Variants in KATNAL2 observed in about 807,000 individuals in gnomAD.
KATNAL2 encodes the protein katanin catalytic subunit A1 like 2.
A neutral mutation model predicts 76.3 loss-of-function variants in KATNAL2; 52 were observed. The observed-to-expected ratio is 0.68, with a 90% CI of 0.55 to 0.86. The LOEUF (loss-of-function observed/expected upper bound fraction) is 0.86. Among genes scored for constraint, KATNAL2 ranks in the 40% least tolerant of loss-of-function variants. The probability of loss-of-function intolerance (pLI) is 0.00; values close to 1 mark genes in which losing one functional copy is unlikely to be tolerated. For missense variants in KATNAL2, 660 were observed against 668.9 expected (o/e 0.99, Z 0.15); for synonymous variants, 243 against 244.2 (o/e 1.00, Z 0.05).
chr18:47,090,848 G>A (rs1307907672), intron 15 of KATNAL2, among the ~76,000 whole-genome samples: 4 of 152,168 alleles, frequency 2.6e-5, no homozygotes, highest in African/African-American at 7.2e-5. Flanking sequence ...GACAGCTGAT[G>A]CTGGGCTCAC....
chr18:47,064,232 A>G (rs2061721501), intron 10 of KATNAL2, among the ~76,000 whole-genome samples: 1 of 151,968 alleles, frequency 6.6e-6, no homozygotes, highest in Non-Finnish European at 1.5e-5. Flanking sequence ...AGTGCACTTT[A>G]AGAGCATGAA....
intron 4 of KATNAL2, among the ~76,000 whole-genome samples, chr18:47,049,034 A>C (rs1309601744): frequency 6.6e-6 from 1 of 151,790 alleles, no homozygotes; most frequent in African/African-American, 2.4e-5. Flanking sequence ...ACGGGGTTTC[A>C]CCGTGGTCTC....
intron 16 of KATNAL2, 84 bp downstream of exon 16, chr18:47,099,489 T>A: frequency 7.5e-7 from 1 of 1,337,318 alleles, no homozygotes; most frequent in Non-Finnish European, 1.0e-6. Flanking sequence ...CATGAGCTGA[T>A]AGAAGCTTGA....
chr18:47,033,839 G>A (rs1471012794), intron 3 of KATNAL2: 6 of 1,614,036 alleles, frequency 3.7e-6, no homozygotes, highest in Middle Eastern at 1.7e-4. Context: ...TCCGAAAGCG[G>A]ATCGTAGTTG....
chr18:47,084,658 G>A (rs2062686718), intron 15 of KATNAL2, among the ~76,000 whole-genome samples: 1 of 148,180 alleles, frequency 6.7e-6, no homozygotes, highest in Non-Finnish European at 1.5e-5. Flanking sequence ...AGACCTGCCT[G>A]GCCCACATGA....
chr18:47,071,240 T>C (rs983832860), intron 13 of KATNAL2, among the ~76,000 whole-genome samples: 1 of 152,188 alleles, frequency 6.6e-6, no homozygotes, highest in African/African-American at 2.4e-5. Flanking sequence ...GCTCAAGCAA[T>C]CCTCCCGCCT....
chr18:46,959,341 C>G (rs1405360343), intron 3 of KATNAL2, among the ~76,000 whole-genome samples: 2 of 152,170 alleles, frequency 1.3e-5, no homozygotes, highest in Non-Finnish European at 2.9e-5. Context: ...CTGTGGGCAT[C>G]TCTTAAAATG....
chr18:46,960,298 G>T (rs2059897748), intron 3 of KATNAL2, among the ~76,000 whole-genome samples: 1 of 152,018 alleles, frequency 6.6e-6, no homozygotes, highest in South Asian at 2.1e-4. Flanking sequence ...AATTAGCTGG[G>T]CATGGTGGTG....
chr18:46,932,202 C>T (rs561005795), intron 1 of KATNAL2, among the ~76,000 whole-genome samples: 3 of 152,174 alleles, frequency 2.0e-5, no homozygotes, highest in Admixed American at 6.5e-5. Context: ...TGAGCCACCA[C>T]GCCCGTCCCA....
At position 47,084,847 on chromosome 18, in the gene KATNAL2, T is replaced by TAAAAAAAAAAAAAAAA. The variant is rs34034453; in HGVS notation, c.1211+7399_1211+7414dup. ...CTGGATGACAGAGCAAGACTCTGTC[T>TAAAAAAAAAAAAAAAA]AAAAAAAAAAAAAAAAAAAAAAAAA... On this transcript the variant is annotated intron_variant, in intron 15 of 17. Transcript: ENST00000683218. Among the ~76,000 whole-genome samples the TAAAAAAAAAAAAAAAA allele has an allele frequency of 2.0e-4, 5 of 25,534 alleles. 1 individual carries two copies. Among genetic ancestry groups the TAAAAAAAAAAAAAAAA allele is most frequent in the South Asian group, 2.2e-3 (1 of 460 alleles). The allele number at this position is 25,534 out of a possible 152,430, so 16.8% of individuals were successfully genotyped here.
chr18:47,034,936 C>T lies in KATNAL2; in HGVS notation c.52-11521C>T, dbSNP rs774950590. 6.2e-6 allele frequency: 10 copies of T among 1,611,926 alleles called. No individual in the cohort carries two copies. The South Asian group carries it at 9.9e-5, about 16-fold the overall frequency. On this transcript the variant is annotated intron_variant, in intron 3 of 17. Coordinates refer to ENST00000683218, the MANE Select transcript of KATNAL2 (RefSeq NM_001387690.1). ...GGCCGTCGCGTTTTCTGGGAAGCCC[C>T]AGGCCTTTTCCTGGTCCTGAAGAGC... is the stretch of plus-strand genomic sequence containing the variant.
At chr18:46,935,768 T>C (rs761874068) in intron 1 of KATNAL2, among the ~76,000 whole-genome samples, 14 of 151,852 alleles carry the variant, frequency 9.2e-5, no homozygotes, top group Non-Finnish European at 1.6e-4. Flanking sequence ...ATACAAAAAT[T>C]AGCCAGGCAT....
chr18:47,055,619 C>T (rs1475988081), intron 6 of KATNAL2, among the ~76,000 whole-genome samples: 1 of 152,200 alleles, frequency 6.6e-6, no homozygotes, highest in Non-Finnish European at 1.5e-5. Context: ...ATCGCTTTGA[C>T]AAAAGTGTTA....
At chr18:46,933,799 A>G (rs1230474047) in intron 1 of KATNAL2, among the ~76,000 whole-genome samples, 1 of 81,230 alleles carries the variant, frequency 1.2e-5, no homozygotes, top group Non-Finnish European at 2.3e-5. Flanking sequence ...CCCTCCCCCC[A>G]CCCCATAACA....
chr18:47,094,233 C>T (rs886862442), intron 15 of KATNAL2, among the ~76,000 whole-genome samples: 2 of 152,154 alleles, frequency 1.3e-5, no homozygotes, highest in Non-Finnish European at 2.9e-5. Context: ...AGACACCAAA[C>T]CTGCTGGTGC....
intron 15 of KATNAL2, among the ~76,000 whole-genome samples, chr18:47,093,540 T>A (rs2063099282): frequency 6.6e-6 from 1 of 152,044 alleles, no homozygotes; most frequent in African/African-American, 2.4e-5. Context: ...GTCTTTTTTT[T>A]TCTTTAATTG....
At chr18:46,930,223 C>T (rs1335522294) in intron 1 of KATNAL2, among the ~76,000 whole-genome samples, 1 of 152,186 alleles carries the variant, frequency 6.6e-6, no homozygotes, top group African/African-American at 2.4e-5. Context: ...AATATCAGCC[C>T]TTCTTTGAAA....
intron 1 of KATNAL2, among the ~76,000 whole-genome samples, chr18:46,942,322 G>A (rs1019655872): frequency 3.3e-5 from 5 of 152,090 alleles, no homozygotes; most frequent in Admixed American, 3.3e-4. Context: ...TTTAATTTCA[G>A]AAGTTCATTT....
intron 3 of KATNAL2, among the ~76,000 whole-genome samples, chr18:47,042,953 C>T (rs113737692): frequency 6.6e-6 from 1 of 152,060 alleles, no homozygotes; most frequent in Admixed American, 6.5e-5. Context: ...GTAGGCTGGG[C>T]GCGGTGGCTC....
Sources: allele counts gnomAD v4.1 joint callset (sites outside exome capture counted in the v4.1 genomes callset), GRCh38; gene constraint gnomAD v4.1.1; transcripts MANE v1.5; gene names NCBI Gene and HGNC (gene_info 2026-07-23, HGNC 2026-07-21).